MED13L: variants seen among roughly 807,000 people sequenced by gnomAD.
MED13L encodes mediator complex subunit 13L, also known as mediator of RNA polymerase II transcription subunit 13-like.
MED13L carries 7 observed loss-of-function variants against 220.9 expected under a neutral mutation model. That is an observed-to-expected ratio of 0.03 (90% confidence interval 0.02 to 0.06). The LOEUF (loss-of-function observed/expected upper bound fraction) is 0.06, where lower values mean the gene tolerates loss of function less well. Ranked by LOEUF, MED13L falls within the 10% of genes least tolerant of loss-of-function variation. MED13L has a pLI of 1.00. For missense variants in MED13L, 1,965 were observed against 2,760.5 expected (o/e 0.71, Z 6.46); for synonymous variants, 1,011 against 1,015.2 (o/e 1.00, Z 0.08).
chr12:116,132,364 T>C (rs538135793), intron 2 of MED13L, among the ~76,000 whole-genome samples: 22 of 151,994 alleles, frequency 1.4e-4, no homozygotes, highest in African/African-American at 5.1e-4. Flanking sequence ...CTGCCACATG[T>C]ACTCAAATTA....
intron 1 of MED13L, chr12:116,276,367 G>T: frequency 7.0e-5 from 55 of 788,050 alleles, no homozygotes; most frequent in Non-Finnish European, 9.1e-5. Context: ...TTCGTTGTTA[G>T]GATAGAGAAA....
chr12:116,025,517 G>GTA (rs1307930358), intron 4 of MED13L, among the ~76,000 whole-genome samples: 1 of 152,098 alleles, frequency 6.6e-6, no homozygotes, highest in African/African-American at 2.4e-5. Context: ...AGAAAATGTG[G>GTA]TATATAATAC....
intron 4 of MED13L, among the ~76,000 whole-genome samples, chr12:116,067,316 T>C (rs1219946759): frequency 1.3e-5 from 2 of 152,194 alleles, no homozygotes; most frequent in African/African-American, 4.8e-5. Context: ...AAGTATGGTA[T>C]TTGACTAATG....
intron 3 of MED13L, among the ~76,000 whole-genome samples, chr12:116,108,406 T>C (rs948146945): frequency 6.5e-3 from 104 of 15,984 alleles, no homozygotes; most frequent in African/African-American, 9.4e-3. Flanking sequence ...GGGGGGCGCG[T>C]GGGGGGTGGG....
chr12:116,161,364 G>C lies in MED13L; in HGVS notation c.311-49852C>G, dbSNP rs529401872. 3.9e-5 allele frequency among the ~76,000 whole-genome samples: 6 copies of C among 152,188 alleles called. No homozygotes were observed. In the South Asian group the frequency reaches 1.2e-3, roughly 32 times the overall value. ...GGAGAACAAAGTTTGAAAATCTAAA[G>C]AGTTTGGAAATATATATATATACAC... On this transcript the variant is annotated intron_variant, in intron 2 of 30. Transcript: ENST00000281928.
In MED13L at chr12:116,012,871, T is replaced by A; in HGVS notation, c.1206A>T (p.Glu402Asp). The change falls in exon 9 of 31, where the codon GAA becomes GAT. Residue 402 changes from glutamate (E) to aspartate (D), a missense_variant. Around this residue, in one of 10 missense-constraint regions of MED13L, gnomAD observed 818 missense variants for 1,041.2 expected, o/e 0.79. Coordinates refer to ENST00000281928, the MANE Select transcript of MED13L (RefSeq NM_015335.5). ...KRSQMSTPTL[E>D]EEPASNPATW... ...TAGCAGGATTGCTAGCAGGCTCTTCTTCAAGAGTTGGAGTTGACATTTGGC... is the reference window on the plus strand; with the variant it reads ...TAGCAGGATTGCTAGCAGGCTCTTCATCAAGAGTTGGAGTTGACATTTGGC... 1 of 1,613,968 alleles carries A rather than the reference T, an allele frequency of 6.2e-7. No individual in the cohort carries two copies. Among genetic ancestry groups the A allele is most frequent in the Non-Finnish European group, 8.5e-7 (1 of 1,179,876 alleles).
chr12:116,114,606 C>T (rs1266053743), intron 2 of MED13L, among the ~76,000 whole-genome samples: 2 of 152,128 alleles, frequency 1.3e-5, no homozygotes, highest in East Asian at 3.9e-4. Flanking sequence ...TCTCACTACT[C>T]CTATTCCACA....
chr12:116,058,889 T>C (rs747225340), intron 4 of MED13L, among the ~76,000 whole-genome samples: 1 of 152,186 alleles, frequency 6.6e-6, no homozygotes, highest in Non-Finnish European at 1.5e-5. Flanking sequence ...ATATGTAAAA[T>C]ATGAATATGT....
intron 2 of MED13L, among the ~76,000 whole-genome samples, chr12:116,183,392 T>G (rs1880658367): frequency 6.6e-6 from 1 of 152,168 alleles, no homozygotes; most frequent in African/African-American, 2.4e-5. Flanking sequence ...AAAGGCAAAT[T>G]TATAACGTCA....
At chr12:116,097,155 GTT>G (rs571971505) in intron 3 of MED13L, among the ~76,000 whole-genome samples, 1 of 146,878 alleles carries the variant, frequency 6.8e-6, no homozygotes, top group African/African-American at 2.5e-5. Flanking sequence ...CATCTTTCAA[GTT>G]TTTTTTTTTT....
chr12:115,971,312 G>A (rs1429802243), intron 26 of MED13L, among the ~76,000 whole-genome samples: 2 of 152,140 alleles, frequency 1.3e-5, no homozygotes, highest in South Asian at 2.1e-4. Flanking sequence ...CTGCCCAAGT[G>A]GTAGCGGCAA....
Position 116,019,838 on chromosome 12 carries a change from T to C in MED13L, c.760A>G (p.Lys254Glu), listed in dbSNP as rs777805865. 7.4e-6 allele frequency: 12 copies of C among 1,613,906 alleles called. No individual in the cohort carries two copies. The East Asian group carries it at 2.5e-4, about 33-fold the overall frequency. ...PMVLKKKEES[K>E]EEDELGYDDD... is the part of the protein sequence containing the mutation. ...TCATATCCCAACTCGTCTTCCTCTT[T>C]CGATTCTTCTTTCTTTTTTAGCACC... The change falls in exon 6 of 31, where the codon AAA becomes GAA. Residue 254 changes from lysine (K) to glutamate (E), a missense_variant. Around this residue, in one of 10 missense-constraint regions of MED13L, gnomAD observed 818 missense variants for 1,041.2 expected, o/e 0.79. Transcript: ENST00000281928.
At chr12:116,226,455 A>C (rs919058282) in intron 2 of MED13L, among the ~76,000 whole-genome samples, 1 of 152,252 alleles carries the variant, frequency 6.6e-6, no homozygotes, top group African/African-American at 2.4e-5. Context: ...AAAGAAAATT[A>C]TGGAACACTT....
chr12:115,979,094 T>C (rs1877151565), intron 23 of MED13L, among the ~76,000 whole-genome samples: 1 of 152,240 alleles, frequency 6.6e-6, no homozygotes, highest in African/African-American at 2.4e-5. Flanking sequence ...GAGGCAGCAT[T>C]GACCAACTAA....
At chr12:116,071,804 A>T (rs1158346189) in intron 4 of MED13L, among the ~76,000 whole-genome samples, 2 of 147,168 alleles carry the variant, frequency 1.4e-5, no homozygotes, top group African/African-American at 4.9e-5. Flanking sequence ...GCCAGTAAAC[A>T]TTATTTTATA....
chr12:116,244,896 G>A (rs1045936920), intron 1 of MED13L, among the ~76,000 whole-genome samples: 6 of 152,182 alleles, frequency 3.9e-5, no homozygotes, highest in Non-Finnish European at 8.8e-5. Flanking sequence ...AGGCTGCAGT[G>A]AGCTGTGATC....
intron 18 of MED13L, 108 bp downstream of exon 18, chr12:115,987,001 A>C (rs1438931261): frequency 8.8e-7 from 1 of 1,132,176 alleles, no homozygotes; most frequent in African/African-American, 1.6e-5. Flanking sequence ...TCAAAGAAAA[A>C]GACTCCCCTA....
At chr12:116,176,950 T>C (rs1366746260) in intron 2 of MED13L, among the ~76,000 whole-genome samples, 1 of 151,002 alleles carries the variant, frequency 6.6e-6, no homozygotes, top group Non-Finnish European at 1.5e-5. Context: ...AGCCATTCCA[T>C]ATACACTCCC....
rs1873975379 is a variant in MED13L at position 116,277,446 on chromosome 12, A to C, written c.-315T>G. ...CGCTGCCGCCGCCTTGTTTATCTCC[A>C]GCCACCGACTCCCCCTCGGCCCCCG... is the stretch of plus-strand genomic sequence containing the variant. On this transcript the variant is annotated 5_prime_UTR_variant, in exon 1 of 31. Coordinates refer to ENST00000281928, the MANE Select transcript of MED13L (RefSeq NM_015335.5). 1 of 57,652 alleles carries C rather than the reference A, an allele frequency of 1.7e-5. No homozygotes were observed. Among genetic ancestry groups the C allele is most frequent in the Non-Finnish European group, 3.5e-5 (1 of 28,438 alleles). 3.6% of individuals were successfully genotyped at this position (57,652 alleles called of 1,614,324 possible). A position where few individuals can be genotyped will look rare whatever the true frequency, so the allele number is the denominator to read the frequency against.
Sources: gnomAD v4.1 joint callset for allele counts (sites outside exome capture counted in the v4.1 genomes callset) on GRCh38, gnomAD v4.1.1 for gene constraint, gnomAD v4.1.1 regional missense constraint, MANE v1.5 for transcripts, NCBI Gene and HGNC (gene_info 2026-07-23, HGNC 2026-07-21) for gene names.